Variants in GRM5 observed in about 807,000 individuals in gnomAD.
GRM5 encodes metabotropic glutamate receptor 5.
A neutral mutation model predicts 83.1 loss-of-function variants in GRM5; 19 were observed. That is an observed-to-expected ratio of 0.23 (90% CI 0.16 to 0.34). GRM5 has a LOEUF of 0.34. GRM5 is among the 10% of genes least tolerant of loss of function. The probability of loss-of-function intolerance (pLI) is 1.00; values close to 1 mark genes in which losing one functional copy is unlikely to be tolerated. For missense variants in GRM5, 1,160 were observed against 1,588.3 expected, an observed-to-expected ratio of 0.73 and a Z score of 4.58; for synonymous variants, 675 against 633.6, an observed-to-expected ratio of 1.07 and a Z score of -0.98.
intron 3 of GRM5, among the ~76,000 whole-genome samples, chr11:88,824,209 T>A (rs1383034828): frequency 6.6e-6 from 1 of 152,218 alleles, no homozygotes; most frequent in African/African-American, 2.4e-5. Context: ...AATGTCAGTG[T>A]TCAATCTGCT....
intron 7 of GRM5, among the ~76,000 whole-genome samples, chr11:88,582,331 T>C (rs1943228255): frequency 6.6e-6 from 1 of 152,206 alleles, no homozygotes; most frequent in Non-Finnish European, 1.5e-5. Context: ...GGTTTAACTA[T>C]TGTATGCATT....
rs541135823 is a variant in GRM5, at chr11:88,746,584, T to A, written c.912-93181A>T. Among the ~76,000 whole-genome samples, 404 of 144,828 alleles carry A rather than the reference T, an allele frequency of 2.8e-3. 1 individual carries two copies. Among genetic ancestry groups the A allele is most frequent in the African/African-American group, 9.5e-3 (374 of 39,464 alleles). On this transcript the variant is annotated intron_variant, in intron 3 of 9. Transcript: ENST00000305447. Reference sequence around the variant, plus strand: ...GATTCTGGAGACAAAAAAAAAAAAATAAGCTTAAGCCAACATCTTTTTCCA... The same window carrying A: ...GATTCTGGAGACAAAAAAAAAAAAAAAAGCTTAAGCCAACATCTTTTTCCA...
chr11:89,028,007 G>C (rs1318031146), intron 2 of GRM5, among the ~76,000 whole-genome samples: 1 of 152,258 alleles, frequency 6.6e-6, no homozygotes, highest in South Asian at 2.1e-4. Flanking sequence ...TCTGCCATGT[G>C]AGATGAAGTA....
intron 2 of GRM5, among the ~76,000 whole-genome samples, chr11:88,872,775 C>A (rs1944791516): frequency 6.6e-6 from 1 of 151,110 alleles, no homozygotes; most frequent in African/African-American, 2.4e-5. Flanking sequence ...CACTTAATCA[C>A]AAAGAACAAA....
chr11:88,770,107 A>C (rs1380563176), intron 3 of GRM5, among the ~76,000 whole-genome samples: 2 of 152,076 alleles, frequency 1.3e-5, no homozygotes, highest in African/African-American at 2.4e-5. Context: ...CCCATGAGAC[A>C]AATCTCAATT....
rs545116417 is a variant in GRM5, at chr11:88,586,594, T to C, written c.1690+4007A>G. ...CTAAAACTGGCCCCAAGCCTTTCTG[T>C]GGCAGGCTTTGGAATAGCTGAAGCC... On this transcript the variant is annotated intron_variant, in intron 7 of 9. Coordinates refer to ENST00000305447, the MANE Select transcript of GRM5 (RefSeq NM_001143831.3). Among the ~76,000 whole-genome samples, 4 of 152,290 alleles carry C rather than the reference T, an allele frequency of 2.6e-5. 1 individual carries two copies. In the South Asian group the frequency reaches 6.2e-4, roughly 24 times the overall value.
At chr11:88,908,855 A>G (rs1945447812) in intron 2 of GRM5, among the ~76,000 whole-genome samples, 1 of 152,160 alleles carries the variant, frequency 6.6e-6, no homozygotes, top group Non-Finnish European at 1.5e-5. Context: ...ACATTTACAA[A>G]GTGTGAGTTT....
intron 3 of GRM5, among the ~76,000 whole-genome samples, chr11:88,773,720 A>G (rs1408587533): frequency 6.6e-6 from 1 of 152,138 alleles, no homozygotes; most frequent in Admixed American, 6.5e-5. Flanking sequence ...TCCTTTCCCC[A>G]TTTCTTGTTT....
intron 2 of GRM5, among the ~76,000 whole-genome samples, chr11:88,940,765 A>C (rs1246241592): frequency 6.6e-6 from 1 of 152,012 alleles, no homozygotes; most frequent in Non-Finnish European, 1.5e-5. Context: ...TGCAATTCTG[A>C]AGCTACTCTG....
At chr11:88,777,001 G>C (rs562971706) in intron 3 of GRM5, among the ~76,000 whole-genome samples, 1 of 152,232 alleles carries the variant, frequency 6.6e-6, no homozygotes, top group Admixed American at 6.5e-5. Flanking sequence ...GCTAGGTTGG[G>C]GAAGTTCTCC....
At chr11:88,735,062 T>TCTTA (rs35162909) in intron 3 of GRM5, among the ~76,000 whole-genome samples, 10,437 of 152,112 alleles carry the variant, frequency 0.069, 577 homozygotes, top group African/African-American at 0.15. Flanking sequence ...AATAAACCTA[T>TCTTA]CTTAAGATCT....
intron 3 of GRM5, among the ~76,000 whole-genome samples, chr11:88,847,770 T>G (rs1944324231): frequency 6.6e-6 from 1 of 152,176 alleles, no homozygotes; most frequent in African/African-American, 2.4e-5. Context: ...GGCTATAAAT[T>G]TAGTATTCCA....
chr11:88,952,412 A>G (rs1437318568), intron 2 of GRM5, among the ~76,000 whole-genome samples: 1 of 152,236 alleles, frequency 6.6e-6, no homozygotes, highest in Non-Finnish European at 1.5e-5. Context: ...AGGCTGCACA[A>G]GAGTGGGGTT....
intron 4 of GRM5, among the ~76,000 whole-genome samples, chr11:88,649,758 A>T (rs1213066800): frequency 6.6e-6 from 1 of 151,686 alleles, no homozygotes; most frequent in African/African-American, 2.4e-5. Context: ...TCTAAGAAAA[A>T]TATACACTAA....
chr11:89,033,019 C>T (rs1340871888), intron 2 of GRM5, among the ~76,000 whole-genome samples: 1 of 151,928 alleles, frequency 6.6e-6, no homozygotes, highest in Non-Finnish European at 1.5e-5. Context: ...AAGTACTGTA[C>T]TCAATATTTT....
chr11:88,872,187 A>G (rs1160056558), intron 2 of GRM5, among the ~76,000 whole-genome samples: 3 of 151,540 alleles, frequency 2.0e-5, no homozygotes, highest in Non-Finnish European at 4.4e-5. Flanking sequence ...GTTTCAGAAG[A>G]TATCATATTA....
intron 3 of GRM5, among the ~76,000 whole-genome samples, chr11:88,746,192 T>C (rs1449276685): frequency 6.6e-6 from 1 of 152,146 alleles, no homozygotes; most frequent in East Asian, 1.9e-4. Flanking sequence ...TTAACTCAGG[T>C]GTTGTCTCTC....
chr11:88,953,251 A>C (rs1353272524), intron 2 of GRM5, among the ~76,000 whole-genome samples: 1 of 152,230 alleles, frequency 6.6e-6, no homozygotes, highest in Non-Finnish European at 1.5e-5. Flanking sequence ...CTTTTTAAAA[A>C]TTCATGCATT....
chr11:88,606,013 G>C (rs998223602), intron 4 of GRM5, among the ~76,000 whole-genome samples: 1 of 152,288 alleles, frequency 6.6e-6, no homozygotes, highest in South Asian at 2.1e-4. Flanking sequence ...AATCAGACCT[G>C]GAAGCTCTCT....
Sources: allele counts gnomAD v4.1 joint callset (sites outside exome capture counted in the v4.1 genomes callset), GRCh38; gene constraint gnomAD v4.1.1; transcripts MANE v1.5; gene names NCBI Gene and HGNC (gene_info 2026-07-23, HGNC 2026-07-21).